Variants in NDUFAF8 observed in about 807,000 individuals in gnomAD.
NDUFAF8 encodes NADH:ubiquinone oxidoreductase complex assembly factor 8.
Under a neutral mutation model 9.9 loss-of-function variants are expected in NDUFAF8, and 9 were observed. The ratio of observed to expected loss-of-function variants is 0.91; its 90% CI spans 0.55 to 1.59. NDUFAF8 has a LOEUF of 1.59. Ranked by LOEUF, NDUFAF8 falls within the 40% of genes most tolerant of loss-of-function variation. The probability of loss-of-function intolerance (pLI) is 0.00; values close to 1 mark genes in which losing one functional copy is unlikely to be tolerated. For synonymous variants in NDUFAF8, 63 were observed against 51.2 expected (o/e 1.23, Z -0.98); for missense variants, 114 against 113.8 (o/e 1.00, Z -0.01).
At chr17:81,239,769 A>C in intron 2 of NDUFAF8, 91 bp downstream of exon 2, 1 of 1,357,736 alleles carries the variant, frequency 7.4e-7, no homozygotes, top group Non-Finnish European at 1.0e-6. Flanking sequence ...CCGTTGGTTC[A>C]AGGTTTGAGC....
chr17:81,239,984 C>G, intron 2 of NDUFAF8: 1 of 444,120 alleles, frequency 2.3e-6, no homozygotes, highest in Non-Finnish European at 4.1e-6. Flanking sequence ...GGGTGTCATG[C>G]CAGGATTGAC....
rs768236926 is a variant in NDUFAF8 at position 81,239,655 on chromosome 17, C to T, written c.172C>T (p.Leu58=). Residue 58 remains leucine, a synonymous_variant, in exon 2 of 3, where the codon CTG becomes TTG. Coordinates refer to ENST00000431388, the MANE Select transcript of NDUFAF8 (RefSeq NM_001086521.2). The part of the protein sequence containing the change: ...KDFCAREFEA[L]RSCFAAAAKK... ...CTTCTGCGCGCGGGAGTTCGAGGCC[C>T]TGCGGAGCTGCTTCGCCGCTGCGGT... 1.9e-6 allele frequency: 3 copies of T among 1,539,970 alleles called. No homozygotes were observed. Among genetic ancestry groups the T allele is most frequent in the Non-Finnish European group, 2.6e-6 (3 of 1,146,558 alleles).
rs1421234811 is a variant in NDUFAF8, at chr17:81,241,288, GGCTTACTGTGTGCA to G, written c.*274_*287del. 3 of 963,864 alleles carry G rather than the reference GGCTTACTGTGTGCA, an allele frequency of 3.1e-6. No individual in the cohort carries two copies. Among genetic ancestry groups the G allele is most frequent in the Non-Finnish European group, 2.8e-6 (2 of 721,370 alleles). The allele number at this position is 963,864 out of a possible 1,614,324, so 59.7% of individuals were successfully genotyped here. A position where few individuals can be genotyped will look rare whatever the true frequency, so the allele number is the denominator to read the frequency against. Reference sequence around the variant, plus strand: ...GACTCGGTCAAATCCTGCAGCCTGGGGCTTACTGTGTGCAGACTGCAACATGTGGGTCTTGGCCT... The same window carrying G: ...GACTCGGTCAAATCCTGCAGCCTGGGGACTGCAACATGTGGGTCTTGGCCT... On this transcript the variant is annotated 3_prime_UTR_variant, in exon 3 of 3. Transcript: ENST00000431388.
intron 2 of NDUFAF8, 158 bp downstream of exon 2, chr17:81,239,836 G>C: frequency 1.2e-6 from 1 of 809,894 alleles, no homozygotes; most frequent in Non-Finnish European, 1.9e-6. Flanking sequence ...CGACGAGCCC[G>C]CGAAACCTCG....
At chr17:81,239,718 C>T (rs1386057909) in intron 2 of NDUFAF8, 40 bp downstream of exon 2, 3 of 1,516,594 alleles carry the variant, frequency 2.0e-6, no homozygotes, top group South Asian at 1.2e-5. Context: ...CCCAGCCCTT[C>T]CCCTCCAAGA....
intron 2 of NDUFAF8, chr17:81,240,207 A>G (rs1005580304): frequency 5.9e-6 from 1 of 170,412 alleles, no homozygotes; most frequent in Non-Finnish European, 1.3e-5. Flanking sequence ...CGCACCGGGT[A>G]CCACCTCAGT....
At position 81,239,439 on chromosome 17, in the gene NDUFAF8, G is replaced by T; in HGVS notation, c.76G>T (p.Gly26Trp). 5.1e-6 allele frequency: 7 copies of T among 1,360,674 alleles called. No homozygotes were observed. Among genetic ancestry groups the T allele is most frequent in the Non-Finnish European group, 5.7e-6 (6 of 1,057,364 alleles). 84.3% of individuals were successfully genotyped at this position (1,360,674 alleles called of 1,614,324 possible). Residue 26 changes from glycine (G) to tryptophan (W), a missense_variant, in exon 1 of 3, where the codon GGG becomes TGG. By Grantham distance (184) the Gly-to-Trp change is radical (BLOSUM62 -2). Coordinates refer to ENST00000431388, the MANE Select transcript of NDUFAF8 (RefSeq NM_001086521.2). ...RAFPERLAAC[G>W]AEAAAYGRCV... ...CTTCCCCGAGCGGCTGGCCGCCTGC[G>T]GGGCCGAGGTGAGGAGCCGCGGGCG...
chr17:81,239,794 T>A, intron 2 of NDUFAF8, 116 bp downstream of exon 2: 1 of 1,130,758 alleles, frequency 8.8e-7, no homozygotes, highest in Non-Finnish European at 1.2e-6. Flanking sequence ...GCCGCGTGCT[T>A]TAGACGCCGG....
At position 81,239,653 on chromosome 17, in the gene NDUFAF8, C is replaced by A. The variant is rs917453527; in HGVS notation, c.170C>A (p.Ala57Asp). The A allele has an allele frequency of 9.1e-6, 14 of 1,539,976 alleles. No individual in the cohort carries two copies. The highest frequency in any genetic ancestry group is 1.2e-5 in the Non-Finnish European group (14 of 1,146,560). ...GACTTCTGCGCGCGGGAGTTCGAGG[C>A]CCTGCGGAGCTGCTTCGCCGCTGCG... ...SKDFCAREFE[A>D]LRSCFAAAAK... is the part of the protein sequence containing the mutation. Residue 57 changes from alanine to aspartate, a missense_variant, in exon 2 of 3, where the codon GCC (alanine) becomes GAC (aspartate). Coordinates refer to ENST00000431388, the MANE Select transcript of NDUFAF8 (RefSeq NM_001086521.2).
chr17:81,239,421 G>A lies in NDUFAF8; in HGVS notation c.58G>A (p.Glu20Lys), dbSNP rs1165551507. ...GCGAAGCCGCCTCCGCGCCTTCCCCGAGCGGCTGGCCGCCTGCGGGGCCGA... is the reference window on the plus strand; with the variant it reads ...GCGAAGCCGCCTCCGCGCCTTCCCCAAGCGGCTGGCCGCCTGCGGGGCCGA... The part of the protein sequence containing the change: ...RVRSRLRAFP[E>K]RLAACGAEAA... Residue 20 changes from glutamate to lysine, a missense_variant, in exon 1 of 3, where the codon GAG (glutamate) becomes AAG (lysine). By Grantham distance (56) the Glu-to-Lys change is moderately conservative. Coordinates refer to ENST00000431388, the MANE Select transcript of NDUFAF8 (RefSeq NM_001086521.2). The A allele has an allele frequency of 7.3e-7, 1 of 1,361,708 alleles. No homozygotes were observed. Among genetic ancestry groups the A allele is most frequent in the Admixed American group, 4.0e-5 (1 of 24,928 alleles). 84.4% of individuals were successfully genotyped at this position (1,361,708 alleles called of 1,614,324 possible). A position where few individuals can be genotyped will look rare whatever the true frequency, so the allele number is the denominator to read the frequency against.
intron 2 of NDUFAF8, 119 bp from the exon 3 acceptor site, chr17:81,240,868 C>A: frequency 7.6e-7 from 1 of 1,322,586 alleles, no homozygotes; most frequent in Non-Finnish European, 1.0e-6. Context: ...CCACCATATG[C>A]CAGCACCCAA....
Position 81,241,228 on chromosome 17 carries a change from G to A in NDUFAF8, c.*212G>A. 7.5e-7 allele frequency: 1 copy of A among 1,340,576 alleles called. No homozygotes were observed. Among genetic ancestry groups the A allele is most frequent in the East Asian group, 2.7e-5 (1 of 37,206 alleles). 83.0% of individuals were successfully genotyped at this position (1,340,576 alleles called of 1,614,324 possible). A position where few individuals can be genotyped will look rare whatever the true frequency, so the allele number is the denominator to read the frequency against. ...TTTCCAGCATTGTGTCCGTAAACCTGAGTTAGAATAAGATGTAACGGAAGC... is the reference window on the plus strand; with the variant it reads ...TTTCCAGCATTGTGTCCGTAAACCTAAGTTAGAATAAGATGTAACGGAAGC... On this transcript the variant is annotated 3_prime_UTR_variant, in exon 3 of 3. Transcript: ENST00000431388.
At chr17:81,239,756 T>C (rs1230267170) in intron 2 of NDUFAF8, 78 bp downstream of exon 2, 5 of 1,424,558 alleles carry the variant, frequency 3.5e-6, no homozygotes, top group Non-Finnish European at 4.7e-6. Flanking sequence ...TTCCTTTGCT[T>C]TCCCGTTGGT....
chr17:81,239,459 C>G lies in NDUFAF8; in HGVS notation c.84+12C>G. 7.3e-7 allele frequency: 1 copy of G among 1,368,916 alleles called. No homozygotes were observed. The highest frequency in any genetic ancestry group is 9.4e-7 in the Non-Finnish European group (1 of 1,063,518). 84.8% of individuals were successfully genotyped at this position (1,368,916 alleles called of 1,614,324 possible). A position where few individuals can be genotyped will look rare whatever the true frequency, so the allele number is the denominator to read the frequency against. Reference sequence around the variant, plus strand: ...CCTGCGGGGCCGAGGTGAGGAGCCGCGGGCGGGCCAGTGCTGCGGGGCAGG... The same window carrying G: ...CCTGCGGGGCCGAGGTGAGGAGCCGGGGGCGGGCCAGTGCTGCGGGGCAGG... On this transcript the variant is annotated intron_variant, in intron 1 of 2. Coordinates refer to ENST00000431388, the MANE Select transcript of NDUFAF8 (RefSeq NM_001086521.2).
rs2146861652 is a variant in NDUFAF8 at position 81,239,666 on chromosome 17, C to T, written c.183C>T (p.Cys61=). ...CAREFEALRS[C]FAAAAKKTLE... is the part of the protein sequence containing the mutation. ...GGGAGTTCGAGGCCCTGCGGAGCTG[C>T]TTCGCCGCTGCGGTAGGTGGGCGCG... The change falls in exon 2 of 3, where the codon TGC becomes TGT. Residue 61 remains cysteine (C), a synonymous_variant. Coordinates refer to ENST00000431388, the MANE Select transcript of NDUFAF8 (RefSeq NM_001086521.2). 6.5e-7 allele frequency: 1 copy of T among 1,539,256 alleles called. No homozygotes were observed. Among genetic ancestry groups the T allele is most frequent in the African/African-American group, 1.4e-5 (1 of 73,140 alleles).
chr17:81,240,669 A>G (rs1196557611), intron 2 of NDUFAF8, among the ~76,000 whole-genome samples: 1 of 112,160 alleles, frequency 8.9e-6, no homozygotes, highest in Non-Finnish European at 1.7e-5. Context: ...ACTGCATCTC[A>G]AAAAAAAAAA....
At position 81,239,368 on chromosome 17, in the gene NDUFAF8, C is replaced by A; in HGVS notation, c.5C>A (p.Ser2Ter). 1 of 1,365,210 alleles carries A rather than the reference C, an allele frequency of 7.3e-7. No homozygotes were observed. The highest frequency in any genetic ancestry group is 9.4e-7 in the Non-Finnish European group (1 of 1,058,288). The allele number at this position is 1,365,210 out of a possible 1,614,324, so 84.6% of individuals were successfully genotyped here. Residue 2 changes from serine (S) to a stop codon, truncating the protein, a stop_gained, in exon 1 of 3, where the codon TCG becomes TAG. Coordinates refer to ENST00000431388, the MANE Select transcript of NDUFAF8 (RefSeq NM_001086521.2). LOFTEE classifies it high-confidence loss of function. M[S>*]ANGAVWGRVR... ...GGGGGCTGGGAATAGCCGCTCATGT[C>A]GGCTAACGGAGCGGTGTGGGGCCGC...
Position 81,241,164 on chromosome 17 carries a change from T to G in NDUFAF8, c.*148T>G, listed in dbSNP as rs754579632. 5.9e-5 allele frequency: 83 copies of G among 1,406,884 alleles called. No individual in the cohort carries two copies. The highest frequency in any genetic ancestry group is 7.6e-5 in the Non-Finnish European group (82 of 1,074,160). The allele number at this position is 1,406,884 out of a possible 1,614,324, so 87.2% of individuals were successfully genotyped here. The stretch of plus-strand genomic sequence containing the variant: ...ATTCCTCGGTGTTAGATCCTGTTTT[T>G]TCTTAACAAGTTGAGGCGTGGGTAG... On this transcript the variant is annotated 3_prime_UTR_variant, in exon 3 of 3. Transcript: ENST00000431388.
rs2062815612 is a variant in NDUFAF8 at position 81,241,283 on chromosome 17, C to T, written c.*267C>T. On this transcript the variant is annotated 3_prime_UTR_variant, in exon 3 of 3. Transcript: ENST00000431388. ...ATAAAGACTCGGTCAAATCCTGCAGCCTGGGGCTTACTGTGTGCAGACTGC... is the reference window on the plus strand; with the variant it reads ...ATAAAGACTCGGTCAAATCCTGCAGTCTGGGGCTTACTGTGTGCAGACTGC... The T allele has an allele frequency of 6.8e-6, 7 of 1,023,078 alleles. No homozygotes were observed. Among genetic ancestry groups the T allele is most frequent in the Non-Finnish European group, 9.1e-6 (7 of 771,988 alleles). The allele number at this position is 1,023,078 out of a possible 1,614,324, so 63.4% of individuals were successfully genotyped here.
Sources: gnomAD v4.1 joint callset for allele counts (sites outside exome capture counted in the v4.1 genomes callset) on GRCh38, gnomAD v4.1.1 for gene constraint, MANE v1.5 for transcripts, NCBI Gene and HGNC (gene_info 2026-07-23, HGNC 2026-07-21) for gene names.